The following BUD23 variants were observed in gnomAD, a reference collection of about 807,000 sequenced individuals.
The protein encoded by BUD23 is BUD23 rRNA methyltransferase and ribosome maturation factor.
A neutral mutation model predicts 47.0 loss-of-function variants in BUD23; 34 were observed. The ratio of observed to expected loss-of-function variants is 0.72; its 90% CI spans 0.55 to 0.96. The LOEUF (loss-of-function observed/expected upper bound fraction) is 0.96, where lower values mean the gene tolerates loss of function less well. Among genes scored for constraint, BUD23 ranks in the 40% least tolerant of loss-of-function variants. The pLI is 0.00. For missense variants in BUD23, 343 were observed against 361.2 expected, an observed-to-expected ratio of 0.95 and a Z score of 0.41; for synonymous variants, 124 against 132.0, an observed-to-expected ratio of 0.94 and a Z score of 0.41.
intron 11 of BUD23, 21 bp from the exon 12 acceptor site, chr7:73,697,811 T>A: frequency 6.2e-7 from 1 of 1,613,066 alleles, no homozygotes; most frequent in South Asian, 1.1e-5. Flanking sequence ...TCTGAGACTG[T>A]CCTATTCCTT....
Position 73,683,812 on chromosome 7 carries a change from G to A in BUD23, c.86+8G>A, listed in dbSNP as rs758273340. 2.5e-6 allele frequency: 4 copies of A among 1,614,226 alleles called. No individual in the cohort carries two copies. The highest frequency in any genetic ancestry group is 3.4e-6 in the Non-Finnish European group (4 of 1,180,038). ...CCGGAAATACGTTCGCAAGTGAGGG[G>A]AGCCTGAATACTGCGGGGCGTCCGG... On this transcript the variant is annotated splice_region_variant and intron_variant, in intron 2 of 11. Transcript: ENST00000265758.
chr7:73,686,766 G>T, intron 3 of BUD23, 35 bp downstream of exon 3: 1 of 1,614,128 alleles, frequency 6.2e-7, no homozygotes, highest in Non-Finnish European at 8.5e-7. Context: ...ATTGTCTAAG[G>T]TGGTGAAGTG....
intron 10 of BUD23, 127 bp downstream of exon 10, chr7:73,694,177 A>G: frequency 1.0e-6 from 1 of 992,900 alleles, no homozygotes; most frequent in South Asian, 1.7e-5. Context: ...AGGTGACGGT[A>G]GAAACATCAG....
intron 2 of BUD23, among the ~76,000 whole-genome samples, chr7:73,684,991 T>C (rs1797904806): frequency 7.4e-6 from 1 of 135,818 alleles, no homozygotes; most frequent in Non-Finnish European, 1.5e-5. Context: ...GCTCTCTCAC[T>C]GAGAGACTAG....
At chr7:73,697,517 G>T in intron 10 of BUD23, 88 bp from the exon 11 acceptor site, 1 of 1,603,444 alleles carries the variant, frequency 6.2e-7, no homozygotes, top group South Asian at 1.1e-5. Flanking sequence ...AGACTCGGAG[G>T]TAAGCTTGCC....
chr7:73,689,568 C>T (rs1167599950), intron 5 of BUD23, among the ~76,000 whole-genome samples: 1 of 151,966 alleles, frequency 6.6e-6, no homozygotes, highest in Non-Finnish European at 1.5e-5. Flanking sequence ...AGGGGCTGCA[C>T]CTTGAAGGCT....
chr7:73,694,126 C>T (rs1418700147), intron 10 of BUD23, 76 bp downstream of exon 10: 5 of 1,491,514 alleles, frequency 3.4e-6, no homozygotes, highest in South Asian at 1.2e-5. Flanking sequence ...TTCTCTCTGC[C>T]CTCACCCAAG....
At position 73,698,063 on chromosome 7, in the gene BUD23, A is replaced by T; in HGVS notation, c.*177A>T. ...GTAATCCCAGCACCTTGGGAGGCTG[A>T]GGTGGGAGGATCATTTGAGGCCAGG... On this transcript the variant is annotated 3_prime_UTR_variant, in exon 12 of 12. Transcript: ENST00000265758. The T allele has an allele frequency of 1.2e-5, 4 of 342,998 alleles. No homozygotes were observed. Among genetic ancestry groups the T allele is most frequent in the Non-Finnish European group, 1.4e-5 (3 of 214,120 alleles). 21.2% of individuals were successfully genotyped at this position (342,998 alleles called of 1,614,324 possible).
At chr7:73,693,053 A>G (rs1009042160) in intron 7 of BUD23, 10 of 562,026 alleles carry the variant, frequency 1.8e-5, no homozygotes, top group South Asian at 2.2e-5. Flanking sequence ...CTGGATTCCA[A>G]TTGGTGGCCA....
chr7:73,687,431 C>A (rs1431110178), intron 5 of BUD23, among the ~76,000 whole-genome samples: 1 of 152,134 alleles, frequency 6.6e-6, no homozygotes, highest in Non-Finnish European at 1.5e-5. Context: ...AGCACGCCAC[C>A]ACACCCAACT....
Position 73,683,603 on chromosome 7 carries a change from A to T in BUD23, c.-23A>T, listed in dbSNP as rs781808198. 6.3e-6 allele frequency: 10 copies of T among 1,598,556 alleles called. No homozygotes were observed. The highest frequency in any genetic ancestry group is 3.3e-5 in the South Asian group (3 of 89,932). On this transcript the variant is annotated 5_prime_UTR_variant, in exon 1 of 12. Transcript: ENST00000265758. The stretch of plus-strand genomic sequence containing the variant: ...CCGGGTGCCGGCAGGCGCCAGTCGC[A>T]GGTGTGCTGCTGAGGCGTGAGAATG...
At position 73,690,973 on chromosome 7, in the gene BUD23, G is replaced by A. The variant is rs892582476; in HGVS notation, c.420G>A (p.Lys140=). 14 of 1,614,088 alleles carry A rather than the reference G, an allele frequency of 8.7e-6. No homozygotes were observed. The highest frequency in any genetic ancestry group is 1.2e-5 in the Non-Finnish European group (14 of 1,180,046). The change falls in exon 6 of 12, where the codon AAG becomes AAA. Residue 140 remains lysine (K), a synonymous_variant. Transcript: ENST00000265758. ...ACAAGAAGTCTGAAAACCCTGCCAA[G>A]CGCCTGTACTGCTTTTTTGCTTCTC... is the stretch of plus-strand genomic sequence containing the variant. ...NANKKSENPA[K]RLYCFFASLF...
intron 7 of BUD23, chr7:73,692,906 G>T: frequency 1.8e-6 from 1 of 551,320 alleles, no homozygotes; most frequent in Non-Finnish European, 3.2e-6. Context: ...AACCAAATAA[G>T]TAAATGCCAT....
intron 5 of BUD23, among the ~76,000 whole-genome samples, chr7:73,690,190 A>G (rs1233402489): frequency 6.6e-6 from 1 of 152,092 alleles, no homozygotes; most frequent in Non-Finnish European, 1.5e-5. Context: ...TTTTTAGTAG[A>G]GACGGGGTTT....
intron 5 of BUD23, among the ~76,000 whole-genome samples, chr7:73,689,431 C>T (rs1798103527): frequency 6.6e-6 from 1 of 151,656 alleles, no homozygotes; most frequent in Non-Finnish European, 1.5e-5. Context: ...ACAGTTTCTG[C>T]GTGTAAGACT....
chr7:73,692,547 T>C (rs1554614184), intron 6 of BUD23, 49 bp from the exon 7 acceptor site: 2 of 1,594,136 alleles, frequency 1.3e-6, no homozygotes, highest in Non-Finnish European at 1.7e-6. Context: ...GTCCAGGCCC[T>C]AAGCTCATGC....
intron 5 of BUD23, among the ~76,000 whole-genome samples, chr7:73,689,293 C>T (rs941381635): frequency 1.3e-5 from 2 of 151,662 alleles, no homozygotes; most frequent in African/African-American, 2.4e-5. Context: ...ATGAACTGCC[C>T]GCCTCAACCT....
chr7:73,686,121 C>T (rs1363274467), intron 2 of BUD23, among the ~76,000 whole-genome samples: 1 of 151,998 alleles, frequency 6.6e-6, no homozygotes, highest in African/African-American at 2.4e-5. Context: ...AAATATGACT[C>T]CAGTTTCTTT....
intron 2 of BUD23, among the ~76,000 whole-genome samples, 179 bp from the exon 3 acceptor site, chr7:73,686,457 C>T (rs575980272): frequency 8.2e-4 from 125 of 152,260 alleles, no homozygotes; most frequent in African/African-American, 2.7e-3. Context: ...GGGTCACTTT[C>T]GAATGGTTGA....
Sources: allele counts gnomAD v4.1 joint callset (sites outside exome capture counted in the v4.1 genomes callset), GRCh38; gene constraint gnomAD v4.1.1; transcripts MANE v1.5; gene names NCBI Gene and HGNC (gene_info 2026-07-23, HGNC 2026-07-21).